The following TACO1 variants were observed in gnomAD, a reference collection of about 807,000 sequenced individuals.
TACO1 encodes the protein translational activator of cytochrome c oxidase 1.
TACO1 carries 13 observed loss-of-function variants against 24.0 expected under a neutral mutation model. The ratio of observed to expected loss-of-function variants is 0.54; its 90% confidence interval spans 0.35 to 0.86. The LOEUF (loss-of-function observed/expected upper bound fraction) is 0.86, where lower values mean the gene tolerates loss of function less well. Among genes scored for constraint, TACO1 ranks in the 40% least tolerant of loss-of-function variants. The probability of loss-of-function intolerance (pLI) is 0.01; values close to 1 mark genes in which losing one functional copy is unlikely to be tolerated. For missense variants in TACO1, 352 were observed against 380.1 expected, an observed-to-expected ratio of 0.93 and a Z score of 0.61; for synonymous variants, 149 against 153.5, an observed-to-expected ratio of 0.97 and a Z score of 0.22.
In TACO1 at chr17:63,606,187, T is replaced by A. The variant is rs2033860442; in HGVS notation, c.388-126T>A. The A allele has an allele frequency of 4.0e-6, 5 of 1,245,348 alleles. No homozygotes were observed. The South Asian group carries it at 6.0e-5, about 15-fold the overall frequency. The allele number at this position is 1,245,348 out of a possible 1,614,324, so 77.1% of individuals were successfully genotyped here. On this transcript the variant is annotated intron_variant, in intron 2 of 4. Coordinates refer to ENST00000258975, the MANE Select transcript of TACO1 (RefSeq NM_016360.4). ...AGAGGGTGGGGACAAAAATAAAGAT[T>A]GAGAGCTCAGGCTCCAGCCTAGAGA...
chr17:63,606,426 C>G lies in TACO1; in HGVS notation c.501C>G (p.Ile167Met), dbSNP rs372505128. 3.1e-6 allele frequency: 5 copies of G among 1,614,092 alleles called. No individual in the cohort carries two copies. In the African/African-American group the frequency reaches 6.7e-5, roughly 22 times the overall value. ...AGTGCCAAGCAGACATTAGACATATCCTGAATAAGAATGGGTAAGTGTGCG... is the reference window on the plus strand; with the variant it reads ...AGTGCCAAGCAGACATTAGACATATGCTGAATAAGAATGGGTAAGTGTGCG... ...SHKCQADIRHILNKNGGVMAV... is the reference protein window; with the variant it reads ...SHKCQADIRHMLNKNGGVMAV... Residue 167 changes from isoleucine (I) to methionine (M), a missense_variant, in exon 3 of 5, where the codon ATC (isoleucine) becomes ATG (methionine). Ile to Met is a conservative substitution (Grantham distance 10). Coordinates refer to ENST00000258975, the MANE Select transcript of TACO1 (RefSeq NM_016360.4).
intron 2 of TACO1, 93 bp downstream of exon 2, chr17:63,604,733 G>T: frequency 8.6e-7 from 1 of 1,168,078 alleles, no homozygotes; most frequent in Non-Finnish European, 1.3e-6. Flanking sequence ...TATCAGAGGG[G>T]CCAAGTGCAG....
chr17:63,606,768 C>A, intron 3 of TACO1: 1 of 381,694 alleles, frequency 2.6e-6, no homozygotes, highest in Non-Finnish European at 5.0e-6. Context: ...AGACTGGTCT[C>A]GAACTCCTGA....
intron 2 of TACO1, 130 bp from the exon 3 acceptor site, chr17:63,606,183 A>G (rs1315797930): frequency 8.2e-7 from 1 of 1,212,534 alleles, no homozygotes; most frequent in Non-Finnish European, 1.2e-6. Flanking sequence ...ACAAAAATAA[A>G]GATTGAGAGC....
Position 63,607,880 on chromosome 17 carries a change from C to T in TACO1, c.772C>T (p.Leu258=). The change falls in exon 5 of 5, where the codon CTA becomes TTA. Residue 258 remains leucine (L), a synonymous_variant. Transcript: ENST00000258975. ...SLGLCSVSCA[L]EFIPNSKVQL... The stretch of plus-strand genomic sequence containing the variant: ...GGGCCTGTGTTCTGTGTCCTGTGCA[C>T]TAGAGTTCATCCCCAACTCAAAGGT... The T allele has an allele frequency of 6.2e-7, 1 of 1,614,230 alleles. No individual in the cohort carries two copies. The highest frequency in any genetic ancestry group is 1.1e-5 in the South Asian group (1 of 91,088).
In TACO1 at chr17:63,608,341, A is replaced by G. The variant is rs1218427333; in HGVS notation, c.*339A>G. The G allele has an allele frequency of 7.8e-6, 3 of 382,386 alleles. No homozygotes were observed. The highest frequency in any genetic ancestry group is 4.1e-5 in the African/African-American group (2 of 48,252). 23.7% of individuals were successfully genotyped at this position (382,386 alleles called of 1,614,324 possible). A position where few individuals can be genotyped will look rare whatever the true frequency, so the allele number is the denominator to read the frequency against. ...TCTGTACTAGAAACTGCTCTTAATA[A>G]TAACGGTGATTATTGGTTGCTGCAT... On this transcript the variant is annotated 3_prime_UTR_variant, in exon 5 of 5. Coordinates refer to ENST00000258975, the MANE Select transcript of TACO1 (RefSeq NM_016360.4).
intron 1 of TACO1, among the ~76,000 whole-genome samples, chr17:63,602,207 C>T (rs910623258): frequency 1.4e-5 from 2 of 142,694 alleles, no homozygotes; most frequent in South Asian, 2.2e-4. Flanking sequence ...CTGCAGTAAG[C>T]GAGATTGCTC....
intron 2 of TACO1, among the ~76,000 whole-genome samples, chr17:63,604,958 G>A (rs1165723777): frequency 6.6e-6 from 1 of 151,628 alleles, no homozygotes; most frequent in Non-Finnish European, 1.5e-5. Flanking sequence ...AGATTGCGGT[G>A]AGCCGAGATT....
intron 1 of TACO1, among the ~76,000 whole-genome samples, chr17:63,602,761 C>G (rs2033831670): frequency 6.6e-6 from 1 of 151,944 alleles, no homozygotes; most frequent in Non-Finnish European, 1.5e-5. Flanking sequence ...AACTCCTGAC[C>G]TCAAATGATC....
intron 3 of TACO1, chr17:63,606,799 TCAGCCTCCCAAAGTGCTGGGAGCCAC>T (rs1344688896): frequency 8.2e-6 from 3 of 367,776 alleles, no homozygotes; most frequent in Non-Finnish European, 1.5e-5. Context: ...TCCACCTGCC[TCAGCCTCCCAAAGTGCTGGGAGCCAC>T]CATGCCTGGC....
rs56314158 is a variant in TACO1 at position 63,604,720 on chromosome 17, A to T, written c.387+80A>T. On this transcript the variant is annotated intron_variant, in intron 2 of 4. Transcript: ENST00000258975. ...CTGGATGGCCAACAAACACACTGTA[A>T]ATTATCAGAGGGGCCAAGTGCAGTG... 6,812 of 1,318,804 alleles carry T rather than the reference A, an allele frequency of 5.2e-3. 216 individuals carry two copies. In the African/African-American group the frequency reaches 0.081, roughly 16 times the overall value. The allele number at this position is 1,318,804 out of a possible 1,614,324, so 81.7% of individuals were successfully genotyped here.
intron 2 of TACO1, among the ~76,000 whole-genome samples, chr17:63,605,588 T>C (rs2033856592): frequency 6.6e-6 from 1 of 152,170 alleles, no homozygotes; most frequent in African/African-American, 2.4e-5. Context: ...TGAAACCAGA[T>C]AGTCAGACTT....
rs200734662 is a variant in TACO1 at position 63,606,483 on chromosome 17, A to G, written c.515+43A>G. 352 of 1,611,926 alleles carry G rather than the reference A, an allele frequency of 2.2e-4. 1 individual carries two copies. In the Middle Eastern group the frequency reaches 6.3e-3, roughly 29 times the overall value. On this transcript the variant is annotated intron_variant, in intron 3 of 4. Transcript: ENST00000258975. ...AGGAGTGGTAGGGGACAGAGCCTTTATGTTCCAATTCTCTGCAAGGCAAGT... is the reference window on the plus strand; with the variant it reads ...AGGAGTGGTAGGGGACAGAGCCTTTGTGTTCCAATTCTCTGCAAGGCAAGT...
intron 1 of TACO1, among the ~76,000 whole-genome samples, chr17:63,604,224 G>T (rs749621232): frequency 2.9e-4 from 44 of 151,976 alleles, no homozygotes; most frequent in Admixed American, 2.4e-3. Flanking sequence ...TGTAATCCCA[G>T]CTACTCAGGA....
In TACO1 at chr17:63,601,313, G is replaced by A. The variant is rs2033819336; in HGVS notation, c.230G>A (p.Arg77Lys). The stretch of plus-strand genomic sequence containing the variant: ...ATCAAGGGTCCGAAGGACGTCGAAA[G>A]GAGTCGCATCTTCTCCAAACTCTGT... The part of the protein sequence containing the change: ...RHIKGPKDVE[R>K]SRIFSKLCLN... The change falls in exon 1 of 5, where the codon AGG becomes AAG. Residue 77 changes from arginine to lysine, a missense_variant. Coordinates refer to ENST00000258975, the MANE Select transcript of TACO1 (RefSeq NM_016360.4). The A allele has an allele frequency of 6.2e-7, 1 of 1,613,124 alleles. No homozygotes were observed. The highest frequency in any genetic ancestry group is 8.5e-7 in the Non-Finnish European group (1 of 1,179,966).
At chr17:63,604,432 G>T in intron 1 of TACO1, 102 bp from the exon 2 acceptor site, 1 of 934,714 alleles carries the variant, frequency 1.1e-6, no homozygotes, top group Non-Finnish European at 1.7e-6. Context: ...ATGGTGATTT[G>T]CCACTCCTTT....
Position 63,606,303 on chromosome 17 carries a change from T to C in TACO1, c.388-10T>C. 1 of 1,612,900 alleles carries C rather than the reference T, an allele frequency of 6.2e-7. No individual in the cohort carries two copies. The highest frequency in any genetic ancestry group is 8.5e-7 in the Non-Finnish European group (1 of 1,180,022). On this transcript the variant is annotated splice_polypyrimidine_tract_variant and intron_variant, in intron 2 of 4. Transcript: ENST00000258975. ...GAAACAGGAAAATGTGCTTGTGTTG[T>C]TTATTGCAGAAATCCAAGGACACTT...
At position 63,606,337 on chromosome 17, in the gene TACO1, T is replaced by C. The variant is rs1880425509; in HGVS notation, c.412T>C (p.Tyr138His). The change falls in exon 3 of 5, where the codon TAT becomes CAT. Residue 138 changes from tyrosine (Y) to histidine (H), a missense_variant. Tyr to His is a moderately conservative substitution (Grantham distance 83, BLOSUM62 2). Coordinates refer to ENST00000258975, the MANE Select transcript of TACO1 (RefSeq NM_016360.4). ...GAAATCCAAGGACACTTATTTGCTG[T>C]ATGAGGGTCGAGGCCCTGGTGGCTC... ...MEKSKDTYLL[Y>H]EGRGPGGSSL... 1 of 1,613,862 alleles carries C rather than the reference T, an allele frequency of 6.2e-7. No homozygotes were observed. Among genetic ancestry groups the C allele is most frequent in the Non-Finnish European group, 8.5e-7 (1 of 1,180,038 alleles).
intron 2 of TACO1, among the ~76,000 whole-genome samples, chr17:63,604,878 G>C (rs1319284842): frequency 6.6e-6 from 1 of 152,092 alleles, no homozygotes; most frequent in Non-Finnish European, 1.5e-5. Context: ...AGCTGGGCGT[G>C]GTGGCATATG....
Sources: allele counts gnomAD v4.1 joint callset (sites outside exome capture counted in the v4.1 genomes callset), GRCh38; gene constraint gnomAD v4.1.1; transcripts MANE v1.5; gene names NCBI Gene and HGNC (gene_info 2026-07-23, HGNC 2026-07-21).